Variants in KCNIP4 observed in about 807,000 individuals in gnomAD.
KCNIP4 encodes Kv channel-interacting protein 4.
In KCNIP4, 12 loss-of-function variants were observed where a neutral mutation model predicts 34.0. That is an observed-to-expected ratio of 0.35 (90% CI 0.23 to 0.57). KCNIP4 has a LOEUF of 0.57. Among genes scored for constraint, KCNIP4 ranks in the 20% least tolerant of loss-of-function variants. The pLI, the probability that KCNIP4 is intolerant of heterozygous loss-of-function variation, is 0.83. For synonymous variants in KCNIP4, 124 were observed against 102.2 expected, an observed-to-expected ratio of 1.21 and a Z score of -1.29; for missense variants, 238 against 311.7, an observed-to-expected ratio of 0.76 and a Z score of 1.78.
intron 4 of KCNIP4, among the ~76,000 whole-genome samples, chr4:20,754,543 TTGTA>T (rs1754178015): frequency 6.6e-6 from 1 of 152,224 alleles, no homozygotes; most frequent in South Asian, 2.1e-4. Flanking sequence ...AAGAAACAAT[TTGTA>T]TGTATGATAT....
At chr4:20,733,171 C>T (rs142796305) in intron 6 of KCNIP4, among the ~76,000 whole-genome samples, 154 of 152,108 alleles carry the variant, frequency 1.0e-3, no homozygotes, top group African/African-American at 3.3e-3. Flanking sequence ...ATCAAATATA[C>T]GGCACATCGT....
chr4:21,581,893 T>A (rs958416277), intron 1 of KCNIP4, among the ~76,000 whole-genome samples: 1 of 151,922 alleles, frequency 6.6e-6, no homozygotes, highest in Non-Finnish European at 1.5e-5. Context: ...GATCCATTAA[T>A]GGGTCATGAA....
intron 1 of KCNIP4, among the ~76,000 whole-genome samples, chr4:21,737,794 T>C (rs1288891313): frequency 6.6e-6 from 1 of 152,068 alleles, no homozygotes; most frequent in Non-Finnish European, 1.5e-5. Context: ...AATAAAAGGC[T>C]TAAAAGTCAG....
chr4:21,205,987 A>C (rs1445667108), intron 1 of KCNIP4, among the ~76,000 whole-genome samples: 1 of 152,216 alleles, frequency 6.6e-6, no homozygotes, highest in Non-Finnish European at 1.5e-5. Flanking sequence ...CTCTGTGCTC[A>C]GCCAGCCTGC....
At chr4:21,528,705 AAG>A (rs1170351521) in intron 1 of KCNIP4, among the ~76,000 whole-genome samples, 2 of 198 alleles carry the variant, frequency 0.01, no homozygotes, top group Non-Finnish European at 9.1e-3. Flanking sequence ...GAAAGAAAGA[AAG>A]AAAGAAAGAA....
At chr4:21,142,912 C>T (rs1752075329) in intron 1 of KCNIP4, among the ~76,000 whole-genome samples, 1 of 152,128 alleles carries the variant, frequency 6.6e-6, no homozygotes, top group Non-Finnish European at 1.5e-5. Context: ...CATATTCTTA[C>T]TATGTTTAGT....
At chr4:21,102,912 A>G (rs1467663695) in intron 1 of KCNIP4, among the ~76,000 whole-genome samples, 1 of 152,104 alleles carries the variant, frequency 6.6e-6, no homozygotes, top group Admixed American at 6.6e-5. Context: ...ACTCCTTTTG[A>G]GACACCCAGA....
At chr4:21,733,921 C>G (rs1007608359) in intron 1 of KCNIP4, among the ~76,000 whole-genome samples, 1 of 152,158 alleles carries the variant, frequency 6.6e-6, no homozygotes, top group African/African-American at 2.4e-5. Flanking sequence ...ATTTTTGACT[C>G]TTTGCAGCTT....
At chr4:21,501,711 T>TGTGTGTGTGTGTGC in intron 1 of KCNIP4, among the ~76,000 whole-genome samples, 1 of 150,650 alleles carries the variant, frequency 6.6e-6, no homozygotes, top group Admixed American at 6.6e-5. Context: ...TGTGTGTGTG[T>TGTGTGTGTGTGTGC]GTGTGCGTTG....
intron 1 of KCNIP4, among the ~76,000 whole-genome samples, chr4:21,655,390 C>T (rs1233368943): frequency 6.6e-6 from 1 of 151,940 alleles, no homozygotes; most frequent in Non-Finnish European, 1.5e-5. Context: ...AAACTGCCAA[C>T]ACATTTTACA....
intron 1 of KCNIP4, among the ~76,000 whole-genome samples, chr4:20,948,099 C>T (rs1394222677): frequency 6.6e-6 from 1 of 152,192 alleles, no homozygotes; most frequent in Non-Finnish European, 1.5e-5. Context: ...AAGATAACTC[C>T]TGCTTCTGAG....
chr4:21,420,774 A>C (rs1328583275), intron 1 of KCNIP4, among the ~76,000 whole-genome samples: 2 of 152,248 alleles, frequency 1.3e-5, no homozygotes, highest in Non-Finnish European at 2.9e-5. Flanking sequence ...GGCAACAAGC[A>C]AAAGCAGATA....
At chr4:20,845,735 C>A (rs762990533) in intron 3 of KCNIP4, among the ~76,000 whole-genome samples, 9 of 152,096 alleles carry the variant, frequency 5.9e-5, no homozygotes, top group Non-Finnish European at 1.2e-4. Flanking sequence ...TGCAAGAGGA[C>A]CAGGTGGAAA....
intron 1 of KCNIP4, among the ~76,000 whole-genome samples, chr4:21,183,558 T>C (rs1755002943): frequency 6.6e-6 from 1 of 151,186 alleles, no homozygotes; most frequent in Non-Finnish European, 1.5e-5. Flanking sequence ...ACTGCACCTC[T>C]GCATAATGGC....
chr4:21,205,246 A>G (rs1033929204), intron 1 of KCNIP4, among the ~76,000 whole-genome samples: 7 of 152,196 alleles, frequency 4.6e-5, no homozygotes, highest in African/African-American at 1.7e-4. Flanking sequence ...TTGGGCATGA[A>G]TATGTCTGTG....
chr4:21,662,376 C>T (rs183958408), intron 1 of KCNIP4, among the ~76,000 whole-genome samples: 61 of 152,312 alleles, frequency 4.0e-4, no homozygotes, highest in African/African-American at 1.4e-3. Flanking sequence ...GTGATTTCTC[C>T]GTACCAATAC....
chr4:21,519,601 T>C (rs201381039), intron 1 of KCNIP4, among the ~76,000 whole-genome samples: 16 of 90,296 alleles, frequency 1.8e-4, no homozygotes, highest in African/African-American at 3.6e-4. Context: ...TGTGTATATA[T>C]ACACATATGT....
intron 1 of KCNIP4, among the ~76,000 whole-genome samples, chr4:20,979,500 G>T (rs534720272): frequency 6.7e-6 from 1 of 150,364 alleles, no homozygotes; most frequent in East Asian, 2.0e-4. Context: ...CCGGGTTCAC[G>T]CCACTCTCCT....
At chr4:21,900,117 T>C (rs766399446) in intron 1 of KCNIP4, among the ~76,000 whole-genome samples, 10 of 152,184 alleles carry the variant, frequency 6.6e-5, no homozygotes, top group African/African-American at 9.6e-5. Flanking sequence ...ATAGCAATAG[T>C]TTTTCTTAAA....
Sources: gnomAD v4.1 joint callset for allele counts (sites outside exome capture counted in the v4.1 genomes callset) on GRCh38, gnomAD v4.1.1 for gene constraint, MANE v1.5 for transcripts, NCBI Gene and HGNC (gene_info 2026-07-23, HGNC 2026-07-21) for gene names.